Variants in GRID1 observed in about 807,000 individuals in gnomAD.
The protein encoded by GRID1 is glutamate receptor ionotropic, delta-1.
Under a neutral mutation model 98.0 loss-of-function variants are expected in GRID1, and 28 were observed. That is an observed-to-expected ratio of 0.29 (90% CI 0.21 to 0.39). The LOEUF is 0.39. GRID1 is among the 10% of genes least tolerant of loss of function. The pLI is 1.00. For synonymous variants in GRID1, 553 were observed against 538.5 expected, an observed-to-expected ratio of 1.03 and a Z score of -0.37; for missense variants, 1,111 against 1,340.5, an observed-to-expected ratio of 0.83 and a Z score of 2.67.
At chr10:85,711,595 A>G (rs898634268) in intron 12 of GRID1, among the ~76,000 whole-genome samples, 5 of 151,894 alleles carry the variant, frequency 3.3e-5, no homozygotes, top group African/African-American at 4.8e-5. Context: ...ACTAAACTAT[A>G]CATTTAGAAA....
chr10:86,213,205 G>A (rs2132024316), intron 2 of GRID1, among the ~76,000 whole-genome samples: 1 of 152,082 alleles, frequency 6.6e-6, no homozygotes, highest in East Asian at 1.9e-4. Context: ...TCCCAACTAG[G>A]AGTCAACTCA....
At chr10:85,838,881 A>G (rs1304063640) in intron 8 of GRID1, among the ~76,000 whole-genome samples, 1 of 152,168 alleles carries the variant, frequency 6.6e-6, no homozygotes, top group Non-Finnish European at 1.5e-5. Flanking sequence ...ATCCATTGTT[A>G]TGCTGTCTTC....
At chr10:86,224,486 T>C (rs1051173603) in intron 2 of GRID1, among the ~76,000 whole-genome samples, 2 of 152,132 alleles carry the variant, frequency 1.3e-5, no homozygotes, top group Non-Finnish European at 2.9e-5. Context: ...GCTGGATCCA[T>C]GGCTGCTTCT....
intron 5 of GRID1, among the ~76,000 whole-genome samples, chr10:85,869,733 G>A (rs1401779000): frequency 1.3e-5 from 2 of 152,122 alleles, no homozygotes; most frequent in Non-Finnish European, 2.9e-5. Flanking sequence ...AAGCACTGTG[G>A]ATACAGCCAG....
At chr10:85,885,094 G>T (rs532195797) in intron 5 of GRID1, among the ~76,000 whole-genome samples, 3 of 152,314 alleles carry the variant, frequency 2.0e-5, no homozygotes, top group Non-Finnish European at 4.4e-5. Flanking sequence ...ATTCTCTACT[G>T]AGAATGCACT....
chr10:85,802,839 ACACAC>A (rs1024888801), intron 8 of GRID1, among the ~76,000 whole-genome samples: 4 of 4,884 alleles, frequency 8.2e-4, no homozygotes, highest in African/African-American at 5.7e-3. Flanking sequence ...AGCAGAATAA[ACACAC>A]ACACACACAC....
chr10:85,904,850 G>A (rs951575999), intron 5 of GRID1, among the ~76,000 whole-genome samples: 2 of 152,048 alleles, frequency 1.3e-5, no homozygotes, highest in Non-Finnish European at 2.9e-5. Context: ...CATCAGTGAC[G>A]TGTGGGATAA....
At chr10:85,851,206 A>G (rs1843055389) in intron 8 of GRID1, among the ~76,000 whole-genome samples, 1 of 152,186 alleles carries the variant, frequency 6.6e-6, no homozygotes, top group Non-Finnish European at 1.5e-5. Flanking sequence ...AAAGAAGCAT[A>G]TACCACCCCC....
intron 2 of GRID1, among the ~76,000 whole-genome samples, chr10:86,294,287 C>G (rs1432589319): frequency 1.3e-5 from 2 of 152,224 alleles, no homozygotes; most frequent in Non-Finnish European, 2.9e-5. Flanking sequence ...ATGGGCAGCA[C>G]AAGGCCTGGC....
chr10:86,021,198 C>T (rs1843044256), intron 4 of GRID1, among the ~76,000 whole-genome samples: 1 of 152,138 alleles, frequency 6.6e-6, no homozygotes, highest in African/African-American at 2.4e-5. Flanking sequence ...GGAAGCCAAG[C>T]AAATTTTTAA....
intron 2 of GRID1, among the ~76,000 whole-genome samples, chr10:86,279,720 C>T (rs559134878): frequency 6.6e-6 from 1 of 152,152 alleles, no homozygotes; most frequent in Non-Finnish European, 1.5e-5. Flanking sequence ...GTCATCACTT[C>T]TAACATTTTA....
intron 8 of GRID1, among the ~76,000 whole-genome samples, chr10:85,741,412 C>G (rs1400800420): frequency 6.6e-6 from 1 of 151,960 alleles, no homozygotes; most frequent in African/African-American, 2.4e-5. Context: ...CCACTAGGCC[C>G]CTGTTAGTGT....
chr10:85,623,528 C>A (rs1275744665), intron 13 of GRID1, among the ~76,000 whole-genome samples: 1 of 152,200 alleles, frequency 6.6e-6, no homozygotes, highest in African/African-American at 2.4e-5. Context: ...CTGGCTTCCC[C>A]ACTACGGGGG....
intron 4 of GRID1, among the ~76,000 whole-genome samples, chr10:86,066,384 A>C (rs1463596751): frequency 6.6e-6 from 1 of 152,228 alleles, no homozygotes; most frequent in East Asian, 1.9e-4. Context: ...ATATGTGTCT[A>C]GAATTTTCCA....
At chr10:86,174,181 C>T (rs1337228449) in intron 3 of GRID1, among the ~76,000 whole-genome samples, 7 of 152,248 alleles carry the variant, frequency 4.6e-5, no homozygotes, top group Admixed American at 3.3e-4. Context: ...CCTGCATCGC[C>T]AAGTCAATCC....
chr10:86,053,163 G>C (rs1843524536), intron 4 of GRID1, among the ~76,000 whole-genome samples: 1 of 152,154 alleles, frequency 6.6e-6, no homozygotes, highest in Admixed American at 6.5e-5. Context: ...AGGGAATGGG[G>C]TAATGGATGA....
chr10:86,094,155 G>C (rs1455490878), intron 4 of GRID1, among the ~76,000 whole-genome samples: 1 of 152,154 alleles, frequency 6.6e-6, no homozygotes, highest in Non-Finnish European at 1.5e-5. Flanking sequence ...ATCGCTTTAT[G>C]ATTGAAACTC....
At chr10:85,846,516 T>C (rs1000619162) in intron 8 of GRID1, among the ~76,000 whole-genome samples, 1 of 152,126 alleles carries the variant, frequency 6.6e-6, no homozygotes, top group African/African-American at 2.4e-5. Flanking sequence ...AGAGTGAGAC[T>C]GTGTCTCGAA....
At chr10:86,261,470 G>C (rs1215647165) in intron 2 of GRID1, among the ~76,000 whole-genome samples, 2 of 152,168 alleles carry the variant, frequency 1.3e-5, no homozygotes, top group Non-Finnish European at 2.9e-5. Flanking sequence ...AGCACCACAA[G>C]GACAGAGACC....
Sources: gnomAD v4.1 joint callset for allele counts (sites outside exome capture counted in the v4.1 genomes callset) on GRCh38, gnomAD v4.1.1 for gene constraint, MANE v1.5 for transcripts, NCBI Gene and HGNC (gene_info 2026-07-23, HGNC 2026-07-21) for gene names.